Variants in ACOT1 observed in about 807,000 individuals in gnomAD.
The protein encoded by ACOT1 is acyl-coenzyme A thioesterase 1.
In ACOT1, 8 loss-of-function variants were observed where a neutral mutation model predicts 15.7. The ratio of observed to expected loss-of-function variants is 0.51; its 90% CI spans 0.30 to 0.92. The LOEUF (loss-of-function observed/expected upper bound fraction) is 0.92, where lower values mean the gene tolerates loss of function less well. ACOT1 is among the 40% of genes least tolerant of loss of function. The pLI, the probability that ACOT1 is intolerant of heterozygous loss-of-function variation, is 0.06. For synonymous variants in ACOT1, 67 were observed against 241.2 expected (o/e 0.28, Z 6.69); for missense variants, 151 against 539.4 (o/e 0.28, Z 7.13).
chr14:73,491,545 TG>T, the ACOT1 span: 2 of 1,533,464 alleles, frequency 1.3e-6, no homozygotes, highest in South Asian at 1.2e-5. Flanking sequence ...ATAACACGGG[TG>T]GGGAGCCGGC....
chr14:73,502,479 C>T, the ACOT1 span, among the ~76,000 whole-genome samples: 1 of 152,076 alleles, frequency 6.6e-6, no homozygotes, highest in African/African-American at 2.4e-5. Flanking sequence ...TAATTTTTTA[C>T]AGTGGGACCT....
chr14:73,496,722 T>C, the ACOT1 span: 3 of 1,070,196 alleles, frequency 2.8e-6, no homozygotes, highest in Admixed American at 1.8e-5. Context: ...TACCCTGCCC[T>C]TTAAAAAAGT....
Position 73,542,307 on chromosome 14 carries a change from C to CAGTT in ACOT1, c.660+613_660+616dup, listed in dbSNP as rs1299087739. Among the ~76,000 whole-genome samples, 2 of 110,020 alleles carry CAGTT rather than the reference C, an allele frequency of 1.8e-5. 1 individual carries two copies. Among genetic ancestry groups the CAGTT allele is most frequent in the African/African-American group, 6.1e-5 (2 of 32,626 alleles). 72.2% of individuals were successfully genotyped at this position (110,020 alleles called of 152,430 possible). A position where few individuals can be genotyped will look rare whatever the true frequency, so the allele number is the denominator to read the frequency against. ...GCCACCACACCTGGCCTCTTATAGA[C>CAGTT]AGTTTCTATTCAATTCTATATTACT... On this transcript the variant is annotated intron_variant, in intron 2 of 2. Coordinates refer to ENST00000311148, the MANE Select transcript of ACOT1 (RefSeq NM_001037161.2).
the ACOT1 span, among the ~76,000 whole-genome samples, chr14:73,497,005 C>T: frequency 6.6e-6 from 1 of 152,230 alleles, no homozygotes; most frequent in Admixed American, 6.5e-5. Flanking sequence ...AAGCGATTCT[C>T]CTGCCTCAGC....
the ACOT1 span, among the ~76,000 whole-genome samples, chr14:73,524,306 A>ATATATATAT: frequency 8.8e-5 from 8 of 90,978 alleles, no homozygotes; most frequent in Admixed American, 5.6e-4. Flanking sequence ...AAAAAAAAAA[A>ATATATATAT]AAAAATATAT....
At chr14:73,508,165 T>A in the ACOT1 span, 2 of 1,614,146 alleles carry the variant, frequency 1.2e-6, no homozygotes, top group Non-Finnish European at 1.7e-6. Flanking sequence ...CAGGAGGATA[T>A]AAGACTGTTC....
At chr14:73,516,546 T>A in the ACOT1 span, among the ~76,000 whole-genome samples, 1 of 151,030 alleles carries the variant, frequency 6.6e-6, no homozygotes, top group Non-Finnish European at 1.5e-5. Context: ...CTGCCAACTT[T>A]TACTTTGGTT....
In ACOT1 at chr14:73,541,598, T is replaced by C. The variant is rs1318000192; in HGVS notation, c.563T>C (p.Leu188Pro). The change falls in exon 2 of 3, where the codon CTG (leucine) becomes CCG (proline). Residue 188 changes from leucine to proline, a missense_variant. By Grantham distance (98) the Leu-to-Pro change is moderately conservative. Transcript: ENST00000311148. ...GGGAAGGGTTTTGCTGTGATGGCTC[T>C]GGCTTACTATAACTATGAAGACCTC... ...LAGKGFAVMA[L>P]AYYNYEDLPK... 46 of 1,244,266 alleles carry C rather than the reference T, an allele frequency of 3.7e-5. 11 individuals are homozygous for C. The highest frequency in any genetic ancestry group is 4.9e-5 in the Non-Finnish European group (46 of 936,334). 77.1% of individuals were successfully genotyped at this position (1,244,266 alleles called of 1,614,324 possible). A position where few individuals can be genotyped will look rare whatever the true frequency, so the allele number is the denominator to read the frequency against.
the ACOT1 span, chr14:73,519,166 G>C: frequency 6.2e-7 from 1 of 1,609,432 alleles, no homozygotes; most frequent in South Asian, 1.1e-5. Flanking sequence ...GACTTCATCT[G>C]TGAACAGACA....
chr14:73,498,437 C>G, the ACOT1 span: 1 of 1,100,886 alleles, frequency 9.1e-7, no homozygotes, highest in Non-Finnish European at 1.3e-6. Context: ...CAATACCTTC[C>G]CTTTTGGATG....
chr14:73,533,011 T>C (rs1441415337), upstream of ACOT1, among the ~76,000 whole-genome samples: 1 of 113,746 alleles, frequency 8.8e-6, no homozygotes, highest in African/African-American at 2.9e-5. Flanking sequence ...AAAAATTAAA[T>C]ATTATAACCC....
At chr14:73,506,866 T>C in the ACOT1 span, among the ~76,000 whole-genome samples, 1 of 137,772 alleles carries the variant, frequency 7.3e-6, no homozygotes, top group South Asian at 2.4e-4. Context: ...AGTGGCACAA[T>C]CTCGGCTCAC....
chr14:73,499,613 C>A, the ACOT1 span, among the ~76,000 whole-genome samples: 2 of 152,158 alleles, frequency 1.3e-5, no homozygotes, highest in Non-Finnish European at 2.9e-5. Context: ...AAAGTACCAA[C>A]CTATATGCAT....
At chr14:73,500,521 T>C in the ACOT1 span, 1 of 1,603,308 alleles carries the variant, frequency 6.2e-7, no homozygotes, top group Non-Finnish European at 8.5e-7. Context: ...GTCAATCAGG[T>C]AAGATGAGAA....
At chr14:73,528,718 T>C in the ACOT1 span, among the ~76,000 whole-genome samples, 1 of 152,168 alleles carries the variant, frequency 6.6e-6, no homozygotes, top group Non-Finnish European at 1.5e-5. Context: ...ATCAGAAACA[T>C]GTATGAAAGT....
the ACOT1 span, among the ~76,000 whole-genome samples, chr14:73,517,684 A>G: frequency 1.4e-5 from 2 of 146,362 alleles, no homozygotes; most frequent in South Asian, 4.3e-4. Context: ...AAAAAAAAGA[A>G]GAAGAAAAGA....
chr14:73,509,107 T>TC, the ACOT1 span, among the ~76,000 whole-genome samples: 1 of 152,178 alleles, frequency 6.6e-6, no homozygotes, highest in African/African-American at 2.4e-5. Flanking sequence ...GCTCAGGTGA[T>TC]CCTGTCGCCT....
the ACOT1 span, chr14:73,491,719 C>T: frequency 3.9e-5 from 60 of 1,551,256 alleles, no homozygotes; most frequent in Non-Finnish European, 5.1e-5. Flanking sequence ...GGCGGCAGGA[C>T]CACACCTACT....
At chr14:73,503,736 CT>C in the ACOT1 span, among the ~76,000 whole-genome samples, 2 of 152,208 alleles carry the variant, frequency 1.3e-5, no homozygotes. Flanking sequence ...TGCTTCTGTT[CT>C]AGCTATTTGT....
Sources: allele counts gnomAD v4.1 joint callset (sites outside exome capture counted in the v4.1 genomes callset), GRCh38; gene constraint gnomAD v4.1.1; transcripts MANE v1.5; gene names NCBI Gene and HGNC (gene_info 2026-07-23, HGNC 2026-07-21).